DACH1: variants seen among roughly 807,000 people sequenced by gnomAD.
The protein encoded by DACH1 is dachshund family transcription factor 1.
Under a neutral mutation model 54.2 loss-of-function variants are expected in DACH1, and 12 were observed. The observed-to-expected ratio is 0.22, with a 90% CI of 0.14 to 0.36. The LOEUF (loss-of-function observed/expected upper bound fraction) is 0.36, where lower values mean the gene tolerates loss of function less well. Among genes scored for constraint, DACH1 ranks in the 10% least tolerant of loss-of-function variants. DACH1 has a pLI of 1.00. For missense variants in DACH1, 805 were observed against 929.8 expected, an observed-to-expected ratio of 0.87 and a Z score of 1.75; for synonymous variants, 386 against 366.2, an observed-to-expected ratio of 1.05 and a Z score of -0.62.
intron 1 of DACH1, among the ~76,000 whole-genome samples, chr13:71,863,045 A>G (rs1469450645): frequency 6.6e-6 from 1 of 152,122 alleles, no homozygotes; most frequent in Non-Finnish European, 1.5e-5. Context: ...CCAAAGTGAA[A>G]TAAATCAATA....
intron 7 of DACH1, among the ~76,000 whole-genome samples, chr13:71,487,934 G>T (rs538071666): frequency 6.6e-6 from 1 of 152,198 alleles, no homozygotes; most frequent in South Asian, 2.1e-4. Flanking sequence ...CCATGATTTA[G>T]TATAGGCTGG....
chr13:71,552,882 A>AGAGAGAG (rs1883972039), intron 6 of DACH1, among the ~76,000 whole-genome samples: 2 of 71,794 alleles, frequency 2.8e-5, no homozygotes, highest in African/African-American at 5.0e-5. Flanking sequence ...GAGAGAGAGA[A>AGAGAGAG]AGAGACAGAA....
chr13:71,856,169 G>T (rs369454876), intron 1 of DACH1, among the ~76,000 whole-genome samples: 1 of 151,904 alleles, frequency 6.6e-6, no homozygotes, highest in African/African-American at 2.4e-5. Context: ...GACCCAGAAG[G>T]CTCCAATATT....
chr13:71,680,468 G>T (rs1880833468), intron 2 of DACH1, among the ~76,000 whole-genome samples: 1 of 152,066 alleles, frequency 6.6e-6, no homozygotes, highest in African/African-American at 2.4e-5. Context: ...GCCAGGCATG[G>T]TGGCCTGTGC....
chr13:71,609,158 A>T (rs2138511572), intron 3 of DACH1, among the ~76,000 whole-genome samples: 1 of 152,288 alleles, frequency 6.6e-6, no homozygotes, highest in South Asian at 2.1e-4. Flanking sequence ...ATGATAGATT[A>T]ATATGAAGTT....
intron 3 of DACH1, among the ~76,000 whole-genome samples, chr13:71,601,581 T>C (rs980803417): frequency 1.3e-5 from 2 of 151,936 alleles, no homozygotes; most frequent in African/African-American, 4.8e-5. Flanking sequence ...GGAACACCTG[T>C]AGGAACAAAA....
chr13:71,475,556 C>T, intron 9 of DACH1, 150 bp downstream of exon 9: 1 of 957,616 alleles, frequency 1.0e-6, no homozygotes, highest in Non-Finnish European at 1.5e-6. Flanking sequence ...GCATTTTCCC[C>T]AACACGTTCT....
At chr13:71,535,919 T>C (rs888300982) in intron 6 of DACH1, among the ~76,000 whole-genome samples, 1 of 152,060 alleles carries the variant, frequency 6.6e-6, no homozygotes, top group Non-Finnish European at 1.5e-5. Flanking sequence ...ATTTGGATAA[T>C]AATGACTGAA....
At chr13:71,737,185 T>G (rs556499615) in intron 1 of DACH1, among the ~76,000 whole-genome samples, 1 of 151,948 alleles carries the variant, frequency 6.6e-6, no homozygotes, top group Non-Finnish European at 1.5e-5. Context: ...ATCACGCCTT[T>G]GCACTCCAAC....
chr13:71,712,722 C>A (rs1210200513), intron 1 of DACH1, among the ~76,000 whole-genome samples: 2 of 151,916 alleles, frequency 1.3e-5, no homozygotes, highest in Non-Finnish European at 2.9e-5. Flanking sequence ...GTTTACATTT[C>A]CCCCCTTAAT....
intron 1 of DACH1, among the ~76,000 whole-genome samples, chr13:71,834,057 A>T (rs1888687753): frequency 6.6e-6 from 1 of 152,012 alleles, no homozygotes; most frequent in South Asian, 2.1e-4. Flanking sequence ...AATACGTCAA[A>T]TGTTCCTTTG....
chr13:71,562,211 A>ACCTTAATTGATCGGGGT (rs1393764946), intron 4 of DACH1, among the ~76,000 whole-genome samples: 1 of 152,188 alleles, frequency 6.6e-6, no homozygotes, highest in Non-Finnish European at 1.5e-5. Context: ...TTAGCCCTTT[A>ACCTTAATTGATCGGGGT]CCTTAATTGA....
At chr13:71,651,657 T>C (rs930265254) in intron 2 of DACH1, among the ~76,000 whole-genome samples, 115 of 109,890 alleles carry the variant, frequency 1.0e-3, no homozygotes, top group African/African-American at 4.2e-3. Flanking sequence ...TGCATGTATA[T>C]GTATCTGTAT....
intron 1 of DACH1, among the ~76,000 whole-genome samples, chr13:71,739,205 T>C (rs1675701869): frequency 2.0e-5 from 3 of 151,992 alleles, no homozygotes; most frequent in Admixed American, 2.0e-4. Context: ...TGAGCCGAGA[T>C]CGCGCCATTG....
Position 71,789,090 on chromosome 13 carries a change from T to G in DACH1, c.848+76832A>C, listed in dbSNP as rs875869. On this transcript the variant is annotated intron_variant, in intron 1 of 10. Transcript: ENST00000613252. ...TCAGTCTGTATTCAGTTCACAAGAT[T>G]CCTTTATCTCACATGGATAAAGTAA... is the stretch of plus-strand genomic sequence containing the variant. Among the ~76,000 whole-genome samples the G allele has an allele frequency of 2.6e-5, 4 of 152,276 alleles. No individual in the cohort carries two copies. In the South Asian group the frequency reaches 8.3e-4, roughly 32 times the overall value.
intron 6 of DACH1, among the ~76,000 whole-genome samples, chr13:71,519,434 C>A (rs1178216903): frequency 6.6e-6 from 1 of 151,660 alleles, no homozygotes; most frequent in African/African-American, 2.4e-5. Flanking sequence ...ACAATAGTTA[C>A]CCATGTCTAC....
At chr13:71,483,461 AAAT>A (rs925241331) in intron 7 of DACH1, among the ~76,000 whole-genome samples, 45 of 146,954 alleles carry the variant, frequency 3.1e-4, no homozygotes, top group Non-Finnish European at 5.3e-4. Context: ...AATAAATAAC[AAAT>A]AATACCTTAT....
At position 71,705,817 on chromosome 13, in the gene DACH1, A is replaced by G. The variant is rs909296251; in HGVS notation, c.849-23907T>C. On this transcript the variant is annotated intron_variant, in intron 1 of 10. Coordinates refer to ENST00000613252, the MANE Select transcript of DACH1 (RefSeq NM_080759.6). ...CTTCTGAGCATGTCATGAAGTCTCC[A>G]TTAAAACAATTAGTAATTATCATAT... Among the ~76,000 whole-genome samples the G allele has an allele frequency of 1.1e-4, 17 of 151,984 alleles. No homozygotes were observed. The South Asian group carries it at 3.5e-3, about 31-fold the overall frequency.
intron 6 of DACH1, among the ~76,000 whole-genome samples, chr13:71,541,155 T>C (rs1440326189): frequency 6.6e-6 from 1 of 152,016 alleles, no homozygotes; most frequent in African/African-American, 2.4e-5. Context: ...GAAGTTCATA[T>C]GTAATTTTAT....
Sources: allele counts gnomAD v4.1 joint callset (sites outside exome capture counted in the v4.1 genomes callset), GRCh38; gene constraint gnomAD v4.1.1; transcripts MANE v1.5; gene names NCBI Gene and HGNC (gene_info 2026-07-23, HGNC 2026-07-21).